Variants in ZC3H12B observed in about 807,000 individuals in gnomAD.
ZC3H12B encodes the protein zinc finger CCCH-type containing 12B.
Under a neutral mutation model 43.9 loss-of-function variants are expected in ZC3H12B, and 7 were observed. The ratio of observed to expected loss-of-function variants is 0.16; its 90% CI spans 0.09 to 0.30. ZC3H12B has a LOEUF of 0.30. Among genes scored for constraint, ZC3H12B ranks in the 10% least tolerant of loss-of-function variants. The pLI is 1.00. For synonymous variants in ZC3H12B, 222 were observed against 241.7 expected (o/e 0.92, Z 0.76); for missense variants, 475 against 670.2 (o/e 0.71, Z 3.22).
the ZC3H12B span, among the ~76,000 whole-genome samples, chrX:65,093,249 C>T: frequency 1.8e-5 from 2 of 111,971 alleles, no homozygotes. Flanking sequence ...TAGGTGGAAG[C>T]CTGATGCAGG....
At chrX:65,239,584 G>T in the ZC3H12B span, among the ~76,000 whole-genome samples, 1 of 111,432 alleles carries the variant, frequency 9.0e-6, no homozygotes, top group East Asian at 2.8e-4. Context: ...TTACATTTAA[G>T]GTTAATATTT....
intron 2 of ZC3H12B, among the ~76,000 whole-genome samples, chrX:65,389,662 C>T (rs1055576396): frequency 1.8e-5 from 2 of 112,582 alleles, no homozygotes; most frequent in Non-Finnish European, 3.8e-5. Context: ...TCCAACACTC[C>T]CCAGTGATAT....
chrX:65,281,378 G>T, the ZC3H12B span, among the ~76,000 whole-genome samples: 2 of 110,164 alleles, frequency 1.8e-5, no homozygotes, highest in African/African-American at 6.6e-5. Context: ...GGGATTACAG[G>T]TGTGATCTGG....
the ZC3H12B span, among the ~76,000 whole-genome samples, chrX:65,047,370 C>A: frequency 5.4e-5 from 6 of 111,376 alleles, 1 homozygote; most frequent in African/African-American, 2.0e-4. Context: ...ATACAGAAAC[C>A]AGGAAACTAA....
At chrX:65,372,610 G>A (rs1215336950) in intron 2 of ZC3H12B, among the ~76,000 whole-genome samples, 1 of 106,664 alleles carries the variant, frequency 9.4e-6, no homozygotes, top group Non-Finnish European at 1.9e-5. Context: ...GAGTGGACAG[G>A]AGAGAGGGAG....
At chrX:65,323,537 G>T in the ZC3H12B span, among the ~76,000 whole-genome samples, 1 of 112,262 alleles carries the variant, frequency 8.9e-6, no homozygotes, top group Non-Finnish European at 1.9e-5. Context: ...TCTTTTTCAT[G>T]GCTGCATAGT....
chrX:65,351,541 C>T, the ZC3H12B span, among the ~76,000 whole-genome samples: 17 of 111,931 alleles, frequency 1.5e-4, no homozygotes, highest in East Asian at 8.4e-4. Flanking sequence ...ACCTGCACAA[C>T]GGGAGAAAAA....
the ZC3H12B span, among the ~76,000 whole-genome samples, chrX:65,199,103 A>G: frequency 9.2e-6 from 1 of 108,628 alleles, no homozygotes; most frequent in Non-Finnish European, 1.9e-5. Flanking sequence ...GATAAGACCA[A>G]TAACTTTTAG....
At chrX:65,277,991 G>A in the ZC3H12B span, among the ~76,000 whole-genome samples, 3 of 110,938 alleles carry the variant, frequency 2.7e-5, no homozygotes, top group African/African-American at 9.8e-5. Flanking sequence ...AAAAATGAAA[G>A]AAGACCTAAA....
chrX:65,483,910 T>C (rs866299484), upstream of ZC3H12B, among the ~76,000 whole-genome samples: 12 of 111,730 alleles, frequency 1.1e-4, no homozygotes, highest in Admixed American at 7.7e-4. Context: ...GCTCCATTCA[T>C]ATCCCTGCAA....
the ZC3H12B span, among the ~76,000 whole-genome samples, chrX:65,324,177 G>C: frequency 2.7e-5 from 3 of 111,961 alleles, no homozygotes; most frequent in Non-Finnish European, 1.9e-5. Context: ...TTCTTTTGCT[G>C]TGCAGAAGCT....
At chrX:65,088,546 C>A in the ZC3H12B span, among the ~76,000 whole-genome samples, 1 of 111,730 alleles carries the variant, frequency 9.0e-6, no homozygotes, top group African/African-American at 3.3e-5. Context: ...AGGATACTTA[C>A]CATGTGTTCT....
chrX:65,474,381 C>T (rs770857767), intron 3 of ZC3H12B, among the ~76,000 whole-genome samples: 2 of 110,673 alleles, frequency 1.8e-5, no homozygotes, highest in African/African-American at 6.6e-5. Context: ...CTCTCATTGA[C>T]AGCATATTAC....
the ZC3H12B span, among the ~76,000 whole-genome samples, chrX:65,126,997 G>A: frequency 9.1e-6 from 1 of 110,136 alleles, no homozygotes; most frequent in Admixed American, 9.7e-5. Context: ...TTCTTTTTCT[G>A]GCAATTCAGA....
At chrX:65,294,266 A>G in the ZC3H12B span, among the ~76,000 whole-genome samples, 2 of 111,882 alleles carry the variant, frequency 1.8e-5, no homozygotes, top group Non-Finnish European at 3.8e-5. Context: ...AGCTACATAA[A>G]TAAAGGAAAG....
At chrX:65,173,914 T>C in the ZC3H12B span, among the ~76,000 whole-genome samples, 2 of 111,377 alleles carry the variant, frequency 1.8e-5, no homozygotes, top group Non-Finnish European at 3.8e-5. Context: ...GACCTTTGGA[T>C]GGGGTTCTTA....
At chrX:65,278,402 A>T in the ZC3H12B span, among the ~76,000 whole-genome samples, 1 of 111,504 alleles carries the variant, frequency 9.0e-6, no homozygotes, top group Non-Finnish European at 1.9e-5. Context: ...TTCCCAGAAA[A>T]CTTATGAATA....
the ZC3H12B span, among the ~76,000 whole-genome samples, chrX:65,122,886 G>A: frequency 6.5e-4 from 72 of 111,462 alleles, no homozygotes; most frequent in African/African-American, 2.2e-3. Flanking sequence ...TTCATAAAGT[G>A]AGTCCTTAGA....
chrX:65,413,868 C>T (rs1452342725), intron 3 of ZC3H12B, among the ~76,000 whole-genome samples: 1 of 112,062 alleles, frequency 8.9e-6, no homozygotes, highest in Non-Finnish European at 1.9e-5. Flanking sequence ...ATCTGTAGAT[C>T]ACTTTAGGTG....
Sources: gnomAD v4.1 joint callset for allele counts (sites outside exome capture counted in the v4.1 genomes callset) on GRCh38, gnomAD v4.1.1 for gene constraint, MANE v1.5 for transcripts, NCBI Gene and HGNC (gene_info 2026-07-23, HGNC 2026-07-21) for gene names.